The following NTM variants were observed in gnomAD, a reference collection of about 807,000 sequenced individuals.
NTM encodes the protein IgLON family member 2.
Under a neutral mutation model 42.1 loss-of-function variants are expected in NTM, and 13 were observed. The ratio of observed to expected loss-of-function variants is 0.31; its 90% confidence interval spans 0.20 to 0.49. NTM has a LOEUF of 0.49. Ranked by LOEUF, NTM falls within the 20% of genes least tolerant of loss-of-function variation. The pLI, the probability that NTM is intolerant of heterozygous loss-of-function variation, is 0.99. For synonymous variants in NTM, 187 were observed against 179.2 expected (o/e 1.04, Z -0.35); for missense variants, 373 against 452.8 (o/e 0.82, Z 1.60).
At chr11:131,465,537 G>A (rs1197891519) in intron 1 of NTM, among the ~76,000 whole-genome samples, 3 of 152,100 alleles carry the variant, frequency 2.0e-5, no homozygotes, top group African/African-American at 7.2e-5. Context: ...TAAAGTTCTT[G>A]TCATACCTGG....
intron 1 of NTM, among the ~76,000 whole-genome samples, chr11:131,772,758 A>C (rs2086316928): frequency 6.6e-6 from 1 of 152,202 alleles, no homozygotes; most frequent in South Asian, 2.1e-4. Context: ...TGTTGCTTTA[A>C]GATGTTAAAT....
intron 2 of NTM, among the ~76,000 whole-genome samples, chr11:131,986,400 T>C (rs2066075297): frequency 1.3e-5 from 2 of 152,230 alleles, no homozygotes; most frequent in Non-Finnish European, 2.9e-5. Context: ...CTTTGCAGAC[T>C]ACAGAAAAAG....
intron 2 of NTM, among the ~76,000 whole-genome samples, chr11:132,076,489 T>C (rs1300320559): frequency 1.3e-5 from 2 of 152,226 alleles, no homozygotes; most frequent in Non-Finnish European, 2.9e-5. Flanking sequence ...GCTGGGCAAG[T>C]TTCCTGCTTT....
At chr11:131,787,667 C>G (rs970895432) in intron 1 of NTM, among the ~76,000 whole-genome samples, 1 of 152,096 alleles carries the variant, frequency 6.6e-6, no homozygotes. Flanking sequence ...TGGGTGTGAG[C>G]CACGGCGCTC....
chr11:131,956,262 C>G (rs951967806), intron 2 of NTM, among the ~76,000 whole-genome samples: 1 of 152,162 alleles, frequency 6.6e-6, no homozygotes, highest in Non-Finnish European at 1.5e-5. Context: ...CAGGGAGAAG[C>G]TGGGTGCCCC....
chr11:132,119,317 G>T (rs1472642347), intron 2 of NTM, among the ~76,000 whole-genome samples: 1 of 151,192 alleles, frequency 6.6e-6, no homozygotes, highest in Non-Finnish European at 1.5e-5. Context: ...AAAGCACACT[G>T]TGCAGTAAGA....
intron 1 of NTM, among the ~76,000 whole-genome samples, chr11:131,592,705 C>T (rs950865062): frequency 6.6e-6 from 1 of 150,382 alleles, no homozygotes; most frequent in Non-Finnish European, 1.5e-5. Flanking sequence ...CAAAGTTGAC[C>T]TTTAGGGGCT....
intron 2 of NTM, among the ~76,000 whole-genome samples, chr11:132,055,044 C>A (rs943246475): frequency 2.0e-5 from 3 of 152,226 alleles, no homozygotes; most frequent in African/African-American, 7.2e-5. Flanking sequence ...ACCACTGTTA[C>A]ATCTACATTG....
intron 1 of NTM, among the ~76,000 whole-genome samples, chr11:131,580,866 C>T (rs180977344): frequency 1.3e-5 from 2 of 152,182 alleles, no homozygotes; most frequent in Admixed American, 6.5e-5. Flanking sequence ...CTGTCATGCA[C>T]GGATCCCAGG....
chr11:131,726,643 C>T (rs535690733), intron 1 of NTM, among the ~76,000 whole-genome samples: 5 of 151,412 alleles, frequency 3.3e-5, no homozygotes, highest in African/African-American at 1.2e-4. Flanking sequence ...CTCCTCTTCC[C>T]AAGCCTCAGT....
chr11:131,583,548 G>A (rs1027170479), intron 1 of NTM, among the ~76,000 whole-genome samples: 4 of 152,094 alleles, frequency 2.6e-5, no homozygotes, highest in African/African-American at 7.2e-5. Context: ...AAGAGTAATC[G>A]CGCCTTACCT....
chr11:131,591,322 G>A (rs993397112), intron 1 of NTM, among the ~76,000 whole-genome samples: 5 of 152,282 alleles, frequency 3.3e-5, no homozygotes, highest in South Asian at 4.2e-4. Context: ...ATGACTTCCC[G>A]CAGAGACAAG....
At chr11:131,543,741 G>C (rs2053576686) in intron 1 of NTM, among the ~76,000 whole-genome samples, 1 of 152,222 alleles carries the variant, frequency 6.6e-6, no homozygotes, top group Non-Finnish European at 1.5e-5. Context: ...TCCTTCATCA[G>C]CTGGTGCCCG....
intron 1 of NTM, among the ~76,000 whole-genome samples, chr11:131,485,347 G>A: frequency 6.6e-6 from 1 of 152,210 alleles, no homozygotes; most frequent in East Asian, 1.9e-4. Flanking sequence ...GAAGGCAATG[G>A]AGATGCGAGA....
chr11:131,971,327 G>A (rs1408621407), intron 2 of NTM, among the ~76,000 whole-genome samples: 2 of 152,060 alleles, frequency 1.3e-5, no homozygotes, highest in Non-Finnish European at 1.5e-5. Flanking sequence ...ACTGGTGTGA[G>A]CTCTTTAATT....
intron 1 of NTM, among the ~76,000 whole-genome samples, chr11:131,510,738 T>G (rs2136455821): frequency 6.6e-6 from 1 of 152,354 alleles, no homozygotes; most frequent in South Asian, 2.1e-4. Context: ...TGCCCATCTC[T>G]TTCTGTCTGC....
chr11:131,907,679 G>A (rs1592736087), intron 1 of NTM, among the ~76,000 whole-genome samples: 1 of 152,250 alleles, frequency 6.6e-6, no homozygotes, highest in African/African-American at 2.4e-5. Flanking sequence ...GTGGGCGCTC[G>A]TTAGGAATCG....
At chr11:132,269,626 G>C (rs111307337) in intron 4 of NTM, among the ~76,000 whole-genome samples, 161 of 152,276 alleles carry the variant, frequency 1.1e-3, no homozygotes, top group Non-Finnish European at 1.4e-3. Context: ...CTACAGCCAG[G>C]ATTGGAATCA....
At chr11:131,642,067 C>T (rs2065209472) in intron 1 of NTM, among the ~76,000 whole-genome samples, 1 of 152,160 alleles carries the variant, frequency 6.6e-6, no homozygotes, top group South Asian at 2.1e-4. Context: ...TAAAATGACT[C>T]TTTAGTGAAG....
Sources: gnomAD v4.1 joint callset for allele counts (sites outside exome capture counted in the v4.1 genomes callset) on GRCh38, gnomAD v4.1.1 for gene constraint, MANE v1.5 for transcripts, NCBI Gene and HGNC (gene_info 2026-07-23, HGNC 2026-07-21) for gene names.